XRCC4: variants seen among roughly 807,000 people sequenced by gnomAD.
XRCC4 encodes DNA repair protein XRCC4.
XRCC4 carries 28 observed loss-of-function variants against 39.1 expected under a neutral mutation model. The ratio of observed to expected loss-of-function variants is 0.72; its 90% CI spans 0.53 to 0.98. The LOEUF (loss-of-function observed/expected upper bound fraction) is 0.98, where lower values mean the gene tolerates loss of function less well. Ranked by LOEUF, XRCC4 falls within the 50% of genes least tolerant of loss-of-function variation. The pLI is 0.00. For synonymous variants in XRCC4, 123 were observed against 126.4 expected (o/e 0.97, Z 0.18); for missense variants, 350 against 376.4 (o/e 0.93, Z 0.58).
chr5:83,298,380 C>T (rs1391200959), intron 7 of XRCC4, among the ~76,000 whole-genome samples: 1 of 151,838 alleles, frequency 6.6e-6, no homozygotes, highest in East Asian at 1.9e-4. Flanking sequence ...GGTAAAATCA[C>T]CCTTATCTCT....
chr5:83,295,309 A>G (rs2112986338), intron 7 of XRCC4, among the ~76,000 whole-genome samples: 1 of 152,144 alleles, frequency 6.6e-6, no homozygotes, highest in Non-Finnish European at 1.5e-5. Context: ...AAGAAAAATG[A>G]TATGCATATA....
At chr5:83,280,161 C>A in intron 7 of XRCC4, 1 of 245,782 alleles carries the variant, frequency 4.1e-6, no homozygotes. Flanking sequence ...CGAGAAGTTT[C>A]CCATCAATAC....
chr5:83,258,251 A>G (rs1462802191), intron 6 of XRCC4, among the ~76,000 whole-genome samples: 2 of 152,118 alleles, frequency 1.3e-5, no homozygotes, highest in African/African-American at 4.8e-5. Flanking sequence ...TAATAAAAAT[A>G]CTATCTCCAT....
chr5:83,078,498 C>T (rs1296036518), intron 1 of XRCC4, among the ~76,000 whole-genome samples: 1 of 152,156 alleles, frequency 6.6e-6, no homozygotes, highest in African/African-American at 2.4e-5. Flanking sequence ...AGGTAACTCA[C>T]GTGAGATTTT....
chr5:83,139,992 C>T (rs1748089693), intron 3 of XRCC4, among the ~76,000 whole-genome samples: 1 of 152,148 alleles, frequency 6.6e-6, no homozygotes, highest in Non-Finnish European at 1.5e-5. Flanking sequence ...TCTAGCCTTT[C>T]CTTCTTTCTT....
At chr5:83,372,956 C>A in the XRCC4 span, among the ~76,000 whole-genome samples, 1 of 152,056 alleles carries the variant, frequency 6.6e-6, no homozygotes, top group Non-Finnish European at 1.5e-5. Flanking sequence ...GTGCTAAAGC[C>A]CTTCTTAGTC....
intron 3 of XRCC4, among the ~76,000 whole-genome samples, chr5:83,135,041 G>C (rs1321128724): frequency 6.6e-6 from 1 of 152,122 alleles, no homozygotes; most frequent in African/African-American, 2.4e-5. Context: ...TCACCGCGAG[G>C]GTCCGCAGCT....
chr5:83,155,012 T>G (rs1748890255), intron 3 of XRCC4, among the ~76,000 whole-genome samples: 1 of 152,194 alleles, frequency 6.6e-6, no homozygotes, highest in African/African-American at 2.4e-5. Flanking sequence ...TTTTACCTTG[T>G]CTGGAAATTC....
intron 1 of XRCC4, among the ~76,000 whole-genome samples, chr5:83,100,399 A>G (rs906522784): frequency 8.5e-5 from 13 of 152,158 alleles, no homozygotes; most frequent in Admixed American, 6.6e-4. Flanking sequence ...TATTATTGTG[A>G]AAGTAGAAGG....
chr5:83,240,021 C>T (rs1752844052), intron 6 of XRCC4, among the ~76,000 whole-genome samples: 1 of 151,282 alleles, frequency 6.6e-6, no homozygotes, highest in Non-Finnish European at 1.5e-5. Context: ...AAAACAAAAA[C>T]ACTTTACCTG....
At chr5:83,164,400 C>A (rs915493474) in intron 3 of XRCC4, among the ~76,000 whole-genome samples, 5 of 152,012 alleles carry the variant, frequency 3.3e-5, no homozygotes, top group African/African-American at 9.7e-5. Flanking sequence ...TTACTAAAAT[C>A]AAAAACAACA....
chr5:83,336,763 T>G (rs1468546502), intron 7 of XRCC4, among the ~76,000 whole-genome samples: 12 of 152,190 alleles, frequency 7.9e-5, no homozygotes, highest in Non-Finnish European at 1.3e-4. Flanking sequence ...TTAGTGAGAC[T>G]TTTAGCCATT....
At chr5:83,214,553 C>G (rs1403208787) in intron 6 of XRCC4, among the ~76,000 whole-genome samples, 1 of 151,978 alleles carries the variant, frequency 6.6e-6, no homozygotes, top group East Asian at 1.9e-4. Context: ...AAGGAATTGG[C>G]CAGGCACGGT....
intron 7 of XRCC4, among the ~76,000 whole-genome samples, chr5:83,266,407 CTGTTTCA>C (rs1463603748): frequency 6.6e-6 from 1 of 150,982 alleles, no homozygotes; most frequent in African/African-American, 2.4e-5. Flanking sequence ...GAAATATAGA[CTGTTTCA>C]TGTTATCTGA....
chr5:83,368,709 A>T, the XRCC4 span, among the ~76,000 whole-genome samples: 1 of 152,142 alleles, frequency 6.6e-6, no homozygotes, highest in Non-Finnish European at 1.5e-5. Flanking sequence ...TAATTTGCAA[A>T]AAGTTTACTC....
At chr5:83,343,307 A>T (rs772844505) in intron 7 of XRCC4, among the ~76,000 whole-genome samples, 1 of 152,130 alleles carries the variant, frequency 6.6e-6, no homozygotes, top group Non-Finnish European at 1.5e-5. Flanking sequence ...ATGCCCTGCC[A>T]TGGTGGATAG....
At position 83,285,119 on chromosome 5, in the gene XRCC4, A is replaced by T. The variant is rs542279612; in HGVS notation, c.893+26442A>T. Among the ~76,000 whole-genome samples, 11 of 152,326 alleles carry T rather than the reference A, an allele frequency of 7.2e-5. No homozygotes were observed. The South Asian group carries it at 2.3e-3, about 32-fold the overall frequency. ...TCTTTTAACCTCTATAAATGAAGAC[A>T]TATACCCTAGAATTGTTTACAGCTT... On this transcript the variant is annotated intron_variant, in intron 7 of 7. Coordinates refer to ENST00000396027, the MANE Select transcript of XRCC4 (RefSeq NM_003401.5).
At position 83,239,465 on chromosome 5, in the gene XRCC4, C is replaced by T. The variant is rs566944310; in HGVS notation, c.746-19065C>T. ...ATATATTAAGGAGTGAGCAAGAGAGCTACAGTGAGCAGGTCAAGAGGGCAG... is the reference window on the plus strand; with the variant it reads ...ATATATTAAGGAGTGAGCAAGAGAGTTACAGTGAGCAGGTCAAGAGGGCAG... On this transcript the variant is annotated intron_variant, in intron 6 of 7. Coordinates refer to ENST00000396027, the MANE Select transcript of XRCC4 (RefSeq NM_003401.5). 2.6e-5 allele frequency among the ~76,000 whole-genome samples: 4 copies of T among 152,258 alleles called. No individual in the cohort carries two copies. The South Asian group carries it at 8.3e-4, about 32-fold the overall frequency.
At chr5:83,371,572 G>A in the XRCC4 span, among the ~76,000 whole-genome samples, 1 of 152,182 alleles carries the variant, frequency 6.6e-6, no homozygotes, top group Non-Finnish European at 1.5e-5. Flanking sequence ...GAAGTGAACT[G>A]TGGACTCATA....
Sources: gnomAD v4.1 joint callset for allele counts (sites outside exome capture counted in the v4.1 genomes callset) on GRCh38, gnomAD v4.1.1 for gene constraint, MANE v1.5 for transcripts, NCBI Gene and HGNC (gene_info 2026-07-23, HGNC 2026-07-21) for gene names.